Variants in TCF12 observed in about 807,000 individuals in gnomAD.
TCF12 encodes the protein DNA-binding protein HTF4.
Under a neutral mutation model 86.0 loss-of-function variants are expected in TCF12, and 45 were observed. That is an observed-to-expected ratio of 0.52 (90% CI 0.41 to 0.67). TCF12 has a LOEUF of 0.67. Among genes scored for constraint, TCF12 ranks in the 30% least tolerant of loss-of-function variants. The pLI is 0.00. For synonymous variants in TCF12, 330 were observed against 299.6 expected (o/e 1.10, Z -1.05); for missense variants, 881 against 859.9 (o/e 1.02, Z -0.31).
chr15:57,054,482 C>T (rs1231888723), intron 3 of TCF12, among the ~76,000 whole-genome samples: 2 of 152,120 alleles, frequency 1.3e-5, no homozygotes, highest in African/African-American at 4.8e-5. Flanking sequence ...TTTCTAACCA[C>T]CAAACCCAAA....
intron 5 of TCF12, among the ~76,000 whole-genome samples, chr15:57,093,244 A>T (rs1163972644): frequency 6.6e-6 from 1 of 152,190 alleles, no homozygotes. Context: ...TTATTTTTTA[A>T]ATTTTCAATT....
intron 5 of TCF12, 35 bp downstream of exon 5, chr15:57,091,926 A>G (rs763572842): frequency 1.1e-5 from 17 of 1,561,682 alleles, no homozygotes; most frequent in East Asian, 2.2e-5. Flanking sequence ...AGTCTTCTCA[A>G]AGCTTCTTTG....
At chr15:57,053,381 A>T (rs1334695267) in intron 3 of TCF12, among the ~76,000 whole-genome samples, 1 of 152,150 alleles carries the variant, frequency 6.6e-6, no homozygotes, top group Non-Finnish European at 1.5e-5. Flanking sequence ...CCCCTTATCA[A>T]AGTTATGGTT....
intron 5 of TCF12, among the ~76,000 whole-genome samples, chr15:57,124,829 C>A (rs751218429): frequency 6.6e-6 from 1 of 151,998 alleles, no homozygotes; most frequent in African/African-American, 2.4e-5. Context: ...AGGTGCCCAC[C>A]ACCATGCCCG....
chr15:57,165,768 C>T (rs2054846030), intron 5 of TCF12, among the ~76,000 whole-genome samples: 1 of 152,048 alleles, frequency 6.6e-6, no homozygotes, highest in Non-Finnish European at 1.5e-5. Flanking sequence ...GATCTCCTTA[C>T]CTCGTGATCC....
intron 3 of TCF12, among the ~76,000 whole-genome samples, chr15:57,059,590 GT>G (rs1341333598): frequency 6.6e-6 from 1 of 152,100 alleles, no homozygotes; most frequent in African/African-American, 2.4e-5. Flanking sequence ...AGGAACTGGT[GT>G]TCATGTCAGC....
chr15:57,049,078 C>G (rs2067435110), intron 3 of TCF12, among the ~76,000 whole-genome samples: 1 of 152,090 alleles, frequency 6.6e-6, no homozygotes, highest in Non-Finnish European at 1.5e-5. Flanking sequence ...CTGCCTATAT[C>G]CACTTTCTGG....
chr15:56,958,549 C>T (rs575947357), intron 3 of TCF12, among the ~76,000 whole-genome samples: 52 of 152,186 alleles, frequency 3.4e-4, no homozygotes, highest in East Asian at 7.7e-4. Flanking sequence ...CCGCATGTAT[C>T]TAGTGACTAC....
chr15:56,991,718 C>G (rs1311721430), intron 3 of TCF12, among the ~76,000 whole-genome samples: 1 of 152,146 alleles, frequency 6.6e-6, no homozygotes, highest in Non-Finnish European at 1.5e-5. Flanking sequence ...ATGAGTTACT[C>G]ATTTTTTGTG....
chr15:57,243,452 ATTTC>A lies in TCF12; in HGVS notation c.1036-17_1036-14del, dbSNP rs751050723. 1 of 1,604,532 alleles carries A rather than the reference ATTTC, an allele frequency of 6.2e-7. No individual in the cohort carries two copies. Among genetic ancestry groups the A allele is most frequent in the Non-Finnish European group, 8.5e-7 (1 of 1,172,076 alleles). ...TGTTGTCACATGTTGATACATGTAT[ATTTC>A]TTGTTTTCTGGTTAGATTTATTCTC... On this transcript the variant is annotated splice_polypyrimidine_tract_variant and intron_variant, in intron 12 of 20. Transcript: ENST00000333725.
chr15:57,203,507 A>G (rs1256094344), intron 8 of TCF12, among the ~76,000 whole-genome samples: 1 of 152,134 alleles, frequency 6.6e-6, no homozygotes, highest in Non-Finnish European at 1.5e-5. Context: ...AGACCCAAAT[A>G]CCTAAAGTTG....
chr15:57,091,838 T>G lies in TCF12; in HGVS notation c.272T>G (p.Leu91Ter). Residue 91 changes from leucine to a stop codon, truncating the protein, a stop_gained, in exon 5 of 21, where the codon TTA becomes TGA. Transcript: ENST00000333725. LOFTEE classifies it high-confidence loss of function. ...AGTGATCACTTGAATGACAGTCGAT[T>G]AGGAGCCCATGAAGGCTTGTCCCCA... ...HYSDHLNDSR[L>*]GAHEGLSPTP... 1 of 1,613,904 alleles carries G rather than the reference T, an allele frequency of 6.2e-7. No individual in the cohort carries two copies. Among genetic ancestry groups the G allele is most frequent in the Non-Finnish European group, 8.5e-7 (1 of 1,179,842 alleles).
At chr15:57,267,046 A>G (rs1567019267) in intron 18 of TCF12, among the ~76,000 whole-genome samples, 1 of 152,222 alleles carries the variant, frequency 6.6e-6, no homozygotes, top group Non-Finnish European at 1.5e-5. Context: ...ACTTTTTTCT[A>G]ATGAAAATTT....
At chr15:57,247,242 C>A in intron 13 of TCF12, 1 of 641,100 alleles carries the variant, frequency 1.6e-6, no homozygotes. Context: ...CCACCATCAC[C>A]TCCAAAACCA....
At chr15:57,039,038 A>C (rs76465850) in intron 3 of TCF12, among the ~76,000 whole-genome samples, 1 of 152,152 alleles carries the variant, frequency 6.6e-6, no homozygotes, top group East Asian at 1.9e-4. Context: ...TTAATTGTCA[A>C]ATGATACTTT....
At chr15:56,978,434 G>A (rs968470691) in intron 3 of TCF12, among the ~76,000 whole-genome samples, 3 of 152,044 alleles carry the variant, frequency 2.0e-5, no homozygotes, top group Non-Finnish European at 4.4e-5. Flanking sequence ...ATAGTGAAAA[G>A]AATATGTAAT....
chr15:57,136,362 T>C (rs182364285), intron 5 of TCF12, among the ~76,000 whole-genome samples: 109 of 152,368 alleles, frequency 7.2e-4, no homozygotes, highest in African/African-American at 2.6e-3. Flanking sequence ...TTCTTTTTTT[T>C]CTTTGCTCTT....
intron 5 of TCF12, among the ~76,000 whole-genome samples, chr15:57,103,283 G>A (rs1432563484): frequency 6.6e-6 from 1 of 152,166 alleles, no homozygotes; most frequent in African/African-American, 2.4e-5. Flanking sequence ...TATAAAGTAT[G>A]TAATTTTAAA....
In TCF12 at chr15:57,048,178, G is replaced by A. The variant is rs1220591981; in HGVS notation, c.149-15572G>A. ...ATCTATAAATTTAATTAATTTCCTG[G>A]ATGTAATTGGATGGGCTTACCAATC... is the stretch of plus-strand genomic sequence containing the variant. On this transcript the variant is annotated intron_variant, in intron 3 of 20. Coordinates refer to ENST00000333725, the MANE Select transcript of TCF12 (RefSeq NM_207037.2). Among the ~76,000 whole-genome samples the A allele has an allele frequency of 3.3e-5, 5 of 152,086 alleles. No homozygotes were observed. In the East Asian group the frequency reaches 9.6e-4, roughly 29 times the overall value.
Sources: allele counts gnomAD v4.1 joint callset (sites outside exome capture counted in the v4.1 genomes callset), GRCh38; gene constraint gnomAD v4.1.1; transcripts MANE v1.5; gene names NCBI Gene and HGNC (gene_info 2026-07-23, HGNC 2026-07-21).